C2CD3: variants seen among roughly 807,000 people sequenced by gnomAD.
C2CD3 encodes C2 domain-containing protein 3.
In C2CD3, 148 loss-of-function variants were observed where a neutral mutation model predicts 234.0. The ratio of observed to expected loss-of-function variants is 0.63; its 90% CI spans 0.55 to 0.72. The LOEUF is 0.72. C2CD3 is among the 30% of genes least tolerant of loss of function. C2CD3 has a pLI of 0.00. For synonymous variants in C2CD3, 1,000 were observed against 1,035.4 expected, an observed-to-expected ratio of 0.97 and a Z score of 0.66; for missense variants, 2,577 against 2,811.5, an observed-to-expected ratio of 0.92 and a Z score of 1.89.
intron 11 of C2CD3, among the ~76,000 whole-genome samples, chr11:74,111,298 TCAAAATCCAAAATGCTC>T (rs1956733634): frequency 6.6e-6 from 1 of 152,052 alleles, no homozygotes; most frequent in Admixed American, 6.6e-5. Context: ...ACCCCAAAAC[TCAAAATCCAAAATGCTC>T]CAAAATCCAA....
chr11:74,085,434 A>T, intron 21 of C2CD3, 184 bp downstream of exon 21: 1 of 604,836 alleles, frequency 1.7e-6, no homozygotes, highest in Non-Finnish European at 2.9e-6. Context: ...ATTTCTCTCT[A>T]CACTATCTTT....
At chr11:74,156,459 C>CAAA (rs530606913) in intron 3 of C2CD3, among the ~76,000 whole-genome samples, 8 of 40,872 alleles carry the variant, frequency 2.0e-4, no homozygotes, top group African/African-American at 3.2e-4. Context: ...GACCCTATCT[C>CAAA]AAAAAAAAAA....
intron 3 of C2CD3, among the ~76,000 whole-genome samples, chr11:74,158,311 T>C (rs1856174304): frequency 6.6e-6 from 1 of 152,212 alleles, no homozygotes; most frequent in African/African-American, 2.4e-5. Flanking sequence ...CCAGAATATA[T>C]AAGAAACTCT....
In C2CD3 at chr11:74,123,124, G is replaced by A. The variant is rs764365001; in HGVS notation, c.1229C>T (p.Ser410Phe). Residue 410 changes from serine (S) to phenylalanine (F), a missense_variant, in exon 8 of 33, where the codon TCC (serine) becomes TTC (phenylalanine). Coordinates refer to ENST00000334126, the MANE Select transcript of C2CD3 (RefSeq NM_001286577.2). Reference protein sequence around the residue: ...IQLLLGSAELSQGNFWDGLGS... With the variant: ...IQLLLGSAELFQGNFWDGLGS... ...TAGCCCATCCCAGAAATTGCCTTGG[G>A]ATAATTCAGCACTGCAGAGATAAGA... The A allele has an allele frequency of 6.2e-7, 1 of 1,612,694 alleles. No individual in the cohort carries two copies. Among genetic ancestry groups the A allele is most frequent in the Non-Finnish European group, 8.5e-7 (1 of 1,178,786 alleles).
intron 29 of C2CD3, among the ~76,000 whole-genome samples, chr11:74,040,964 ATTTTTTT>A (rs570727716): frequency 2.2e-5 from 3 of 133,834 alleles, no homozygotes; most frequent in African/African-American, 8.1e-5. Flanking sequence ...TTTTCCTTAA[ATTTTTTT>A]TTTTTTTTTT....
At chr11:74,089,837 A>G (rs1955807345) in intron 20 of C2CD3, among the ~76,000 whole-genome samples, 1 of 152,216 alleles carries the variant, frequency 6.6e-6, no homozygotes, top group Non-Finnish European at 1.5e-5. Flanking sequence ...AGGAAAAACC[A>G]CCAACTCTGC....
intron 22 of C2CD3, among the ~76,000 whole-genome samples, chr11:74,083,669 G>C (rs964429880): frequency 5.9e-5 from 9 of 152,190 alleles, no homozygotes; most frequent in African/African-American, 1.9e-4. Context: ...AGACATTTAT[G>C]CAGCCAACAG....
At chr11:74,123,730 C>A (rs1957302712) in intron 7 of C2CD3, among the ~76,000 whole-genome samples, 1 of 145,512 alleles carries the variant, frequency 6.9e-6, no homozygotes, top group African/African-American at 2.6e-5. Context: ...AAATCCCACG[C>A]TGGTATCTTT....
chr11:74,151,139 T>C (rs1301685657), intron 3 of C2CD3, among the ~76,000 whole-genome samples: 1 of 152,132 alleles, frequency 6.6e-6, no homozygotes, highest in African/African-American at 2.4e-5. Flanking sequence ...TTGGGCAGGC[T>C]GATCTCGAAC....
chr11:74,025,414 G>A (rs746827956), intron 32 of C2CD3, among the ~76,000 whole-genome samples: 1 of 152,024 alleles, frequency 6.6e-6, no homozygotes, highest in Non-Finnish European at 1.5e-5. Context: ...TGGCCAACAT[G>A]GTGAAACCCT....
At position 74,031,467 on chromosome 11, in the gene C2CD3, G is replaced by A. The variant is rs1014597808; in HGVS notation, c.6809+1884C>T. On this transcript the variant is annotated intron_variant, in intron 31 of 32. Coordinates refer to ENST00000334126, the MANE Select transcript of C2CD3 (RefSeq NM_001286577.2). ...CTTTTCCTTGTCTCTATTGCACAAT[G>A]CCTATTCATCTTTAAGGCCTGGCTC... Among the ~76,000 whole-genome samples, 9 of 152,166 alleles carry A rather than the reference G, an allele frequency of 5.9e-5. No individual in the cohort carries two copies. In the South Asian group the frequency reaches 1.0e-3, roughly 17 times the overall value.
At chr11:74,071,929 T>A (rs1056598340) in intron 24 of C2CD3, among the ~76,000 whole-genome samples, 2 of 152,298 alleles carry the variant, frequency 1.3e-5, no homozygotes, top group South Asian at 4.1e-4. Flanking sequence ...TGTAAGTATA[T>A]TTTGCTTTTT....
At chr11:74,117,283 T>C (rs1358607226) in intron 9 of C2CD3, among the ~76,000 whole-genome samples, 4 of 122,182 alleles carry the variant, frequency 3.3e-5, no homozygotes, top group African/African-American at 6.2e-5. Flanking sequence ...CTGGGCAACA[T>C]AGTGAGACCC....
At chr11:74,138,179 G>A (rs1957929960) in intron 5 of C2CD3, among the ~76,000 whole-genome samples, 1 of 152,122 alleles carries the variant, frequency 6.6e-6, no homozygotes, top group African/African-American at 2.4e-5. Flanking sequence ...ATCTAATTCT[G>A]TTCCTGTTTG....
At chr11:74,158,944 G>A (rs889257714) in intron 3 of C2CD3, among the ~76,000 whole-genome samples, 1 of 152,128 alleles carries the variant, frequency 6.6e-6, no homozygotes, top group Admixed American at 6.5e-5. Context: ...CAGTATGAAG[G>A]TTCCTCACAA....
In C2CD3 at chr11:74,054,466, T is replaced by C. The variant is rs1379594359; in HGVS notation, c.5155+141A>G. 8.8e-5 allele frequency: 47 copies of C among 533,014 alleles called. 1 individual carries two copies. The Admixed American group carries it at 1.8e-3, about 20-fold the overall frequency. The allele number at this position is 533,014 out of a possible 1,614,324, so 33.0% of individuals were successfully genotyped here. ...CTGGGGGATTACCCTCTACCACATATCTGCATTCCCAGCACTGTCGGGAAT... is the reference window on the plus strand; with the variant it reads ...CTGGGGGATTACCCTCTACCACATACCTGCATTCCCAGCACTGTCGGGAAT... On this transcript the variant is annotated intron_variant, in intron 26 of 32. Transcript: ENST00000334126.
chr11:74,067,091 T>C lies in C2CD3; in HGVS notation c.4951+7162A>G, dbSNP rs182363335. Among the ~76,000 whole-genome samples, 469 of 152,334 alleles carry C rather than the reference T, an allele frequency of 3.1e-3. 1 individual carries two copies. Among genetic ancestry groups the C allele is most frequent in the Non-Finnish European group, 5.2e-3 (355 of 68,038 alleles). The stretch of plus-strand genomic sequence containing the variant: ...AATATTGGTTAAAAAATTGACATGC[T>C]ATTATTTAATCTTGTGACTTCTAGC... On this transcript the variant is annotated intron_variant, in intron 24 of 32. Coordinates refer to ENST00000334126, the MANE Select transcript of C2CD3 (RefSeq NM_001286577.2).
chr11:74,168,003 A>C, intron 2 of C2CD3: 1 of 222,456 alleles, frequency 4.5e-6, no homozygotes, highest in Non-Finnish European at 9.0e-6. Flanking sequence ...TTTTGGTGAC[A>C]GACAGAAGTG....
At chr11:74,052,419 T>C (rs923487411) in intron 26 of C2CD3, among the ~76,000 whole-genome samples, 1 of 152,036 alleles carries the variant, frequency 6.6e-6, no homozygotes, top group African/African-American at 2.4e-5. Context: ...AGGAAAGAGG[T>C]GAAGTGATTT....
Sources: gnomAD v4.1 joint callset for allele counts (sites outside exome capture counted in the v4.1 genomes callset) on GRCh38, gnomAD v4.1.1 for gene constraint, MANE v1.5 for transcripts, NCBI Gene and HGNC (gene_info 2026-07-23, HGNC 2026-07-21) for gene names.